Variants in CYB5R4 observed in about 807,000 individuals in gnomAD.
The protein encoded by CYB5R4 is cytochrome b5 reductase 4.
Under a neutral mutation model 70.2 loss-of-function variants are expected in CYB5R4, and 55 were observed. The ratio of observed to expected loss-of-function variants is 0.78; its 90% CI spans 0.63 to 0.98. The LOEUF is 0.98. Ranked by LOEUF, CYB5R4 falls within the 50% of genes least tolerant of loss-of-function variation. The pLI is 0.00. For missense variants in CYB5R4, 562 were observed against 612.6 expected (o/e 0.92, Z 0.87); for synonymous variants, 197 against 199.5 (o/e 0.99, Z 0.11).
chr6:83,934,053 T>A (rs540450062), intron 10 of CYB5R4, among the ~76,000 whole-genome samples: 1 of 152,306 alleles, frequency 6.6e-6, no homozygotes, highest in Admixed American at 6.5e-5. Flanking sequence ...CTAGTGCTAC[T>A]GTTGTTAAGC....
At chr6:83,871,963 C>T (rs2099457704) in intron 2 of CYB5R4, among the ~76,000 whole-genome samples, 1 of 151,670 alleles carries the variant, frequency 6.6e-6, no homozygotes. Context: ...TCTGTTGCTT[C>T]TTTTCTGTTA....
At chr6:83,874,173 C>G (rs1412057511) in intron 2 of CYB5R4, among the ~76,000 whole-genome samples, 34 of 95,988 alleles carry the variant, frequency 3.5e-4, no homozygotes, top group South Asian at 1.0e-3. Flanking sequence ...CCCCTCCCCT[C>G]CCCTCCCCTC....
chr6:83,913,532 G>A (rs2099465021), intron 4 of CYB5R4, among the ~76,000 whole-genome samples: 1 of 152,156 alleles, frequency 6.6e-6, no homozygotes, highest in Admixed American at 6.5e-5. Context: ...TGAGGAAAAG[G>A]AAAAGGATGG....
chr6:83,876,498 CTTTTTTTTTTTT>C (rs1332927687), intron 2 of CYB5R4, among the ~76,000 whole-genome samples: 4 of 144,024 alleles, frequency 2.8e-5, no homozygotes, highest in African/African-American at 1.0e-4. Context: ...TACTTCTTTG[CTTTTTTTTTTTT>C]AGCAGCTGCT....
intron 2 of CYB5R4, among the ~76,000 whole-genome samples, chr6:83,879,232 G>T (rs1287053949): frequency 6.6e-6 from 1 of 151,990 alleles, no homozygotes; most frequent in Non-Finnish European, 1.5e-5. Flanking sequence ...GTGGCAGCTG[G>T]ACTTTGCCTT....
chr6:83,895,904 A>G (rs1307800462), intron 3 of CYB5R4, among the ~76,000 whole-genome samples: 1 of 152,192 alleles, frequency 6.6e-6, no homozygotes, highest in African/African-American at 2.4e-5. Context: ...TTTTAGCTGC[A>G]CAAATAATAG....
intron 2 of CYB5R4, among the ~76,000 whole-genome samples, chr6:83,867,152 G>T (rs1358653242): frequency 6.6e-6 from 1 of 152,208 alleles, no homozygotes; most frequent in Non-Finnish European, 1.5e-5. Context: ...AGTGATATCA[G>T]ACTGTTGGAA....
At chr6:83,871,263 G>A (rs2099457589) in intron 2 of CYB5R4, among the ~76,000 whole-genome samples, 1 of 152,086 alleles carries the variant, frequency 6.6e-6, no homozygotes. Context: ...ACAGGTGTGA[G>A]CCACCACACC....
chr6:83,910,100 A>C (rs756566328), intron 4 of CYB5R4: 23 of 1,607,448 alleles, frequency 1.4e-5, no homozygotes, highest in Non-Finnish European at 1.9e-5. Context: ...CTGAGGATGG[A>C]GATAGACACC....
chr6:83,859,966 CGTTCCCT>C (rs1242021463), intron 1 of CYB5R4, 109 bp downstream of exon 1: 69 of 1,064,402 alleles, frequency 6.5e-5, no homozygotes, highest in Middle Eastern at 2.1e-4. Flanking sequence ...TCTAAGCTGT[CGTTCCCT>C]GCTGTCCTTG....
chr6:83,905,169 C>G (rs1213545018), intron 3 of CYB5R4, among the ~76,000 whole-genome samples: 6 of 152,196 alleles, frequency 3.9e-5, no homozygotes, highest in Non-Finnish European at 8.8e-5. Flanking sequence ...ATTCTCCTGC[C>G]TCAGCCGCCC....
At chr6:83,903,721 T>C (rs1223353389) in intron 3 of CYB5R4, among the ~76,000 whole-genome samples, 2 of 152,136 alleles carry the variant, frequency 1.3e-5, no homozygotes, top group Non-Finnish European at 2.9e-5. Context: ...TCAATCTTGC[T>C]ACTGGTTATT....
At chr6:83,878,277 A>G (rs1047288915) in intron 2 of CYB5R4, among the ~76,000 whole-genome samples, 1 of 152,170 alleles carries the variant, frequency 6.6e-6, no homozygotes, top group Middle Eastern at 3.4e-3. Flanking sequence ...AATAGTTCCA[A>G]TACATTCTGG....
rs1053857792 is a variant in CYB5R4 at position 83,961,841 on chromosome 6, A to G, written c.*1963A>G. The stretch of plus-strand genomic sequence containing the variant: ...GAATCTCCTATTAGTCGCTATATGT[A>G]ATGCTTCCTCATTCCTCCTTTTATG... On this transcript the variant is annotated 3_prime_UTR_variant, in exon 16 of 16. Transcript: ENST00000369681. The G allele has an allele frequency of 2.0e-5, 3 of 151,428 alleles. No individual in the cohort carries two copies. The highest frequency in any genetic ancestry group is 3.0e-5 in the Non-Finnish European group (2 of 67,784). The allele number at this position is 151,428 out of a possible 1,614,324, so 9.4% of individuals were successfully genotyped here.
chr6:83,886,970 A>T (rs2099460344), intron 2 of CYB5R4, among the ~76,000 whole-genome samples: 1 of 152,190 alleles, frequency 6.6e-6, no homozygotes, highest in African/African-American at 2.4e-5. Context: ...TTTTACACAC[A>T]GACTTTCACA....
At chr6:83,925,033 A>T (rs2099467056) in intron 10 of CYB5R4, among the ~76,000 whole-genome samples, 1 of 152,184 alleles carries the variant, frequency 6.6e-6, no homozygotes, top group South Asian at 2.1e-4. Flanking sequence ...CTCTTCTCAC[A>T]TGGCTATAAA....
intron 10 of CYB5R4, chr6:83,926,297 G>A (rs2099467260): frequency 6.6e-6 from 1 of 151,988 alleles, no homozygotes. Flanking sequence ...GAAGCCATGT[G>A]GGGAAGAAGG....
intron 12 of CYB5R4, 49 bp from the exon 13 acceptor site, chr6:83,939,995 GGTTTTTTGTTTT>G (rs1319245025): frequency 1.7e-5 from 22 of 1,292,424 alleles, no homozygotes; most frequent in South Asian, 6.0e-5. Flanking sequence ...TTCCCCGCTG[GGTTTTTTGTTTT>G]GTTTTTTGTT....
intron 14 of CYB5R4, among the ~76,000 whole-genome samples, chr6:83,943,778 A>T (rs2099470134): frequency 6.6e-6 from 1 of 152,112 alleles, no homozygotes; most frequent in Non-Finnish European, 1.5e-5. Flanking sequence ...GACCTGATGG[A>T]ACTGAAAAAC....
Sources: allele counts gnomAD v4.1 joint callset (sites outside exome capture counted in the v4.1 genomes callset), GRCh38; gene constraint gnomAD v4.1.1; transcripts MANE v1.5; gene names NCBI Gene and HGNC (gene_info 2026-07-23, HGNC 2026-07-21).